Variants in REG1A observed in about 807,000 individuals in gnomAD.
The protein encoded by REG1A is lithostathine-1-alpha.
REG1A carries 20 observed loss-of-function variants against 20.7 expected under a neutral mutation model. That is an observed-to-expected ratio of 0.97 (90% CI 0.68 to 1.41). The LOEUF is 1.41. REG1A is among the 40% of genes most tolerant of loss of function. REG1A has a pLI of 0.00. For synonymous variants in REG1A, 90 were observed against 71.6 expected (o/e 1.26, Z -1.30); for missense variants, 193 against 201.8 (o/e 0.96, Z 0.26).
intron 5 of REG1A, 54 bp from the exon 6 acceptor site, chr2:79,123,094 G>T: frequency 1.3e-6 from 2 of 1,505,874 alleles, no homozygotes; most frequent in Non-Finnish European, 1.8e-6. Context: ...CTAAAGCCAG[G>T]AGGGTCATAC....
chr2:79,123,084 C>G lies in REG1A; in HGVS notation c.434-64C>G. ...GGATGTTTGGTTTTTGTCCTGAGTCCTAAAGCCAGGAGGGTCATACTCTTT... is the reference window on the plus strand; with the variant it reads ...GGATGTTTGGTTTTTGTCCTGAGTCGTAAAGCCAGGAGGGTCATACTCTTT... On this transcript the variant is annotated intron_variant, in intron 5 of 5. Coordinates refer to ENST00000233735, the MANE Select transcript of REG1A (RefSeq NM_002909.5). 8.0e-6 allele frequency: 12 copies of G among 1,490,908 alleles called. 1 individual carries two copies. In the South Asian group the frequency reaches 8.1e-5, roughly 10 times the overall value. The allele number at this position is 1,490,908 out of a possible 1,614,324, so 92.4% of individuals were successfully genotyped here.
intron 3 of REG1A, 133 bp downstream of exon 3, chr2:79,121,813 A>G: frequency 7.5e-7 from 1 of 1,330,976 alleles, no homozygotes. Flanking sequence ...CAAACTTTCC[A>G]ATCTACTTTA....
Position 79,121,971 on chromosome 2 carries a change from A to C in REG1A, c.184-17A>C, listed in dbSNP as rs1476672002. On this transcript the variant is annotated splice_polypyrimidine_tract_variant and intron_variant, in intron 3 of 5. Transcript: ENST00000233735. ...AACTTCCTCCTCCACTGAGTGCTCC[A>C]TTTTCTTCTGCAACAGCTCTATTGC... The C allele has an allele frequency of 6.2e-7, 1 of 1,613,024 alleles. No individual in the cohort carries two copies. The highest frequency in any genetic ancestry group is 8.5e-7 in the Non-Finnish European group (1 of 1,179,538).
At chr2:79,121,745 T>G in intron 3 of REG1A, 65 bp downstream of exon 3, 2 of 1,468,744 alleles carry the variant, frequency 1.4e-6, no homozygotes. Context: ...CACTCTCCAG[T>G]GTGTTCAGTG....
intron 4 of REG1A, among the ~76,000 whole-genome samples, 197 bp from the exon 5 acceptor site, chr2:79,122,644 T>C (rs144602591): frequency 1.3e-5 from 2 of 152,314 alleles, no homozygotes; most frequent in South Asian, 2.1e-4. Flanking sequence ...ATAACACTTA[T>C]TTCTTGGTGG....
chr2:79,121,907 T>G, intron 3 of REG1A, 81 bp from the exon 4 acceptor site: 2 of 1,573,036 alleles, frequency 1.3e-6, no homozygotes, highest in Non-Finnish European at 1.7e-6. Flanking sequence ...CTGTCCTTTT[T>G]CTGACCCGTC....
rs763428933 is a variant in REG1A at position 79,122,001 on chromosome 2, A to C, written c.197A>C (p.Asn66Thr). The change falls in exon 4 of 6, where the codon AAC becomes ACC. Residue 66 changes from asparagine to threonine, a missense_variant. Coordinates refer to ENST00000233735, the MANE Select transcript of REG1A (RefSeq NM_002909.5). Reference protein sequence around the residue: ...TWVDADLYCQNMNSGNLVSVL... With the variant: ...TWVDADLYCQTMNSGNLVSVL... Reference sequence around the variant, plus strand: ...CTTCTGCAACAGCTCTATTGCCAGAACATGAATTCGGGCAACCTGGTGTCT... The same window carrying C: ...CTTCTGCAACAGCTCTATTGCCAGACCATGAATTCGGGCAACCTGGTGTCT... The C allele has an allele frequency of 1.4e-5, 23 of 1,613,898 alleles. No individual in the cohort carries two copies. Among genetic ancestry groups the C allele is most frequent in the Middle Eastern group, 3.3e-4 (2 of 6,062 alleles).
chr2:79,122,994 T>C, intron 5 of REG1A, 42 bp downstream of exon 5: 1 of 1,555,004 alleles, frequency 6.4e-7, no homozygotes, highest in South Asian at 1.1e-5. Context: ...TGTTCTCTCC[T>C]GCTTAGCTCC....
intron 5 of REG1A, 37 bp from the exon 6 acceptor site, chr2:79,123,111 G>C: frequency 6.4e-7 from 1 of 1,555,996 alleles, no homozygotes. Context: ...ATACTCTTTC[G>C]GGTCTCCCAG....
At chr2:79,121,510 C>G (rs1477240563) in intron 2 of REG1A, 52 bp from the exon 3 acceptor site, 4 of 1,466,846 alleles carry the variant, frequency 2.7e-6, no homozygotes, top group Admixed American at 3.3e-5. Flanking sequence ...ACCTCACCTT[C>G]AAGCCTTTTC....
chr2:79,121,131 G>A (rs973181877), intron 2 of REG1A, among the ~76,000 whole-genome samples: 1 of 152,110 alleles, frequency 6.6e-6, no homozygotes, highest in Non-Finnish European at 1.5e-5. Flanking sequence ...AATTTAAAAT[G>A]ACCCCTTATA....
At chr2:79,123,068 G>T (rs1435029030) in intron 5 of REG1A, 80 bp from the exon 6 acceptor site, 4 of 1,452,982 alleles carry the variant, frequency 2.8e-6, no homozygotes, top group East Asian at 2.3e-5. Context: ...TGGATGTTTG[G>T]TTTTTGTCCT....
Position 79,120,809 on chromosome 2 carries a change from C to G in REG1A, c.-46-7C>G, listed in dbSNP as rs10200474. 1.3e-3 allele frequency: 1,908 copies of G among 1,460,168 alleles called. 21 individuals are homozygous for G. The African/African-American group carries it at 0.024, about 18-fold the overall frequency. The allele number at this position is 1,460,168 out of a possible 1,614,324, so 90.5% of individuals were successfully genotyped here. A position where few individuals can be genotyped will look rare whatever the true frequency, so the allele number is the denominator to read the frequency against. Reference sequence around the variant, plus strand: ...CTCAGAACCCCCTTCTCTGTGTTCTCCTATAGAGATTGTTGATTTGCCTCT... The same window carrying G: ...CTCAGAACCCCCTTCTCTGTGTTCTGCTATAGAGATTGTTGATTTGCCTCT... On this transcript the variant is annotated splice_polypyrimidine_tract_variant and splice_region_variant and intron_variant, in intron 1 of 5. Transcript: ENST00000233735.
At chr2:79,122,575 A>G (rs908068116) in intron 4 of REG1A, among the ~76,000 whole-genome samples, 4 of 152,054 alleles carry the variant, frequency 2.6e-5, no homozygotes, top group African/African-American at 7.3e-5. Context: ...CCTGGGCCAC[A>G]AAGACAAAAA....
Position 79,123,398 on chromosome 2 carries a change from A to C in REG1A, c.*183A>C. The C allele has an allele frequency of 1.9e-6, 1 of 526,426 alleles. No homozygotes were observed. Among genetic ancestry groups the C allele is most frequent in the Non-Finnish European group, 3.4e-6 (1 of 293,806 alleles). 32.6% of individuals were successfully genotyped at this position (526,426 alleles called of 1,614,324 possible). Reference sequence around the variant, plus strand: ...GGAACCCTAAATAATAAAAATAAACATGTTTCCACTATTGTGCTGTCTTAC... The same window carrying C: ...GGAACCCTAAATAATAAAAATAAACCTGTTTCCACTATTGTGCTGTCTTAC... On this transcript the variant is annotated 3_prime_UTR_variant, in exon 6 of 6. Coordinates refer to ENST00000233735, the MANE Select transcript of REG1A (RefSeq NM_002909.5).
In REG1A at chr2:79,123,310, A is replaced by G; in HGVS notation, c.*95A>G. ...ATCTCTCCAACTCAACTCAACCTGG[A>G]CACTCTCTTCTCTGCTGAGTTTGCC... On this transcript the variant is annotated 3_prime_UTR_variant, in exon 6 of 6. Coordinates refer to ENST00000233735, the MANE Select transcript of REG1A (RefSeq NM_002909.5). The G allele has an allele frequency of 1.4e-6, 1 of 729,334 alleles. No individual in the cohort carries two copies. The highest frequency in any genetic ancestry group is 2.6e-5 in the East Asian group (1 of 37,908). 45.2% of individuals were successfully genotyped at this position (729,334 alleles called of 1,614,324 possible). A position where few individuals can be genotyped will look rare whatever the true frequency, so the allele number is the denominator to read the frequency against.
intron 3 of REG1A, 35 bp downstream of exon 3, chr2:79,121,715 AT>A (rs772740356): frequency 1.3e-6 from 2 of 1,591,634 alleles, no homozygotes; most frequent in Non-Finnish European, 8.6e-7. Context: ...AGGGAGACTC[AT>A]GAAGGGAGGG....
In REG1A at chr2:79,122,141, C is replaced by T; in HGVS notation, c.321+16C>T. On this transcript the variant is annotated intron_variant, in intron 4 of 5. Coordinates refer to ENST00000233735, the MANE Select transcript of REG1A (RefSeq NM_002909.5). ...CCCCAAAAAGGTAGGCTGCAGCCTT[C>T]TTTATCTCCTAATGATCAGGTTTGA... The T allele has an allele frequency of 1.2e-6, 2 of 1,613,130 alleles. No homozygotes were observed. Among genetic ancestry groups the T allele is most frequent in the Non-Finnish European group, 8.5e-7 (1 of 1,179,580 alleles).
In REG1A at chr2:79,123,275, A is replaced by G; in HGVS notation, c.*60A>G. 9.1e-7 allele frequency: 1 copy of G among 1,098,772 alleles called. No individual in the cohort carries two copies. Among genetic ancestry groups the G allele is most frequent in the South Asian group, 1.4e-5 (1 of 70,966 alleles). 68.1% of individuals were successfully genotyped at this position (1,098,772 alleles called of 1,614,324 possible). On this transcript the variant is annotated 3_prime_UTR_variant, in exon 6 of 6. Coordinates refer to ENST00000233735, the MANE Select transcript of REG1A (RefSeq NM_002909.5). The stretch of plus-strand genomic sequence containing the variant: ...AGCAATTACAACGGAGTCAAAAATT[A>G]AACCGGACCATCTCTCCAACTCAAC...
Sources: allele counts gnomAD v4.1 joint callset (sites outside exome capture counted in the v4.1 genomes callset), GRCh38; gene constraint gnomAD v4.1.1; transcripts MANE v1.5; gene names NCBI Gene and HGNC (gene_info 2026-07-23, HGNC 2026-07-21).